SLC24A4: variants seen among roughly 807,000 people sequenced by gnomAD.
The protein encoded by SLC24A4 is sodium/potassium/calcium exchanger 4.
Under a neutral mutation model 79.0 loss-of-function variants are expected in SLC24A4, and 53 were observed. The observed-to-expected ratio is 0.67, with a 90% CI of 0.54 to 0.84. The LOEUF is 0.84. Among genes scored for constraint, SLC24A4 ranks in the 40% least tolerant of loss-of-function variants. The pLI is 0.00. For missense variants in SLC24A4, 731 were observed against 822.0 expected, an observed-to-expected ratio of 0.89 and a Z score of 1.35; for synonymous variants, 323 against 323.8, an observed-to-expected ratio of 1.00 and a Z score of 0.03.
At chr14:92,342,533 G>A (rs1021537845) in intron 2 of SLC24A4, among the ~76,000 whole-genome samples, 61 of 151,950 alleles carry the variant, frequency 4.0e-4, no homozygotes, top group African/African-American at 1.4e-3. Context: ...ACAGGCATGC[G>A]CCACCACGCC....
At chr14:92,439,787 C>A (rs1178904301) in intron 4 of SLC24A4, among the ~76,000 whole-genome samples, 4 of 152,218 alleles carry the variant, frequency 2.6e-5, no homozygotes, top group African/African-American at 9.6e-5. Context: ...TGGGCCCACC[C>A]CCACCCCGCC....
chr14:92,392,070 A>G (rs1431657232), intron 2 of SLC24A4, among the ~76,000 whole-genome samples: 1 of 152,150 alleles, frequency 6.6e-6, no homozygotes, highest in African/African-American at 2.4e-5. Context: ...AGGACACTCC[A>G]GGAGACATCT....
intron 2 of SLC24A4, among the ~76,000 whole-genome samples, chr14:92,379,296 T>C (rs1383275955): frequency 6.6e-6 from 1 of 152,168 alleles, no homozygotes; most frequent in African/African-American, 2.4e-5. Context: ...GAAGGTGCTT[T>C]CTGCCCAAAT....
chr14:92,364,068 C>T (rs1887686880), intron 2 of SLC24A4, among the ~76,000 whole-genome samples: 1 of 152,218 alleles, frequency 6.6e-6, no homozygotes, highest in Admixed American at 6.5e-5. Context: ...GGGTACATGG[C>T]AGCTCCCCAC....
intron 2 of SLC24A4, among the ~76,000 whole-genome samples, chr14:92,404,501 G>GGCAGCACAC: frequency 6.6e-6 from 1 of 152,308 alleles, no homozygotes; most frequent in East Asian, 1.9e-4. Flanking sequence ...GGCAGGAGAT[G>GGCAGCACAC]TAGACTGCTG....
At chr14:92,387,911 T>C (rs887352653) in intron 2 of SLC24A4, among the ~76,000 whole-genome samples, 8 of 152,268 alleles carry the variant, frequency 5.3e-5, no homozygotes, top group African/African-American at 1.4e-4. Context: ...AATTCCACTG[T>C]ATATGTGTAC....
intron 2 of SLC24A4, among the ~76,000 whole-genome samples, chr14:92,413,796 G>T (rs1309642088): frequency 6.6e-6 from 1 of 152,190 alleles, no homozygotes; most frequent in African/African-American, 2.4e-5. Flanking sequence ...ATTAAACTAA[G>T]GCAGAACGAA....
chr14:92,458,779 C>T (rs190477943), intron 12 of SLC24A4, among the ~76,000 whole-genome samples: 60 of 152,292 alleles, frequency 3.9e-4, no homozygotes, highest in Admixed American at 3.5e-3. Context: ...CCTGTGTCCA[C>T]GTGGGGCTGG....
intron 2 of SLC24A4, among the ~76,000 whole-genome samples, chr14:92,326,923 T>G (rs544666779): frequency 6.6e-6 from 1 of 152,284 alleles, no homozygotes; most frequent in Admixed American, 6.5e-5. Context: ...GAAGGCTGTG[T>G]TGGGGACTGG....
chr14:92,434,483 T>C (rs751300914), intron 3 of SLC24A4, among the ~76,000 whole-genome samples: 4 of 152,216 alleles, frequency 2.6e-5, no homozygotes, highest in Non-Finnish European at 2.9e-5. Context: ...TCAGTATCAC[T>C]GTTCTGGAAG....
intron 2 of SLC24A4, among the ~76,000 whole-genome samples, chr14:92,397,475 C>G (rs1055646954): frequency 5.9e-5 from 9 of 152,202 alleles, no homozygotes; most frequent in African/African-American, 2.2e-4. Context: ...TGCTCTTTCC[C>G]CTGTTACAGA....
At chr14:92,431,922 C>T (rs1042612408) in intron 2 of SLC24A4, among the ~76,000 whole-genome samples, 1 of 152,190 alleles carries the variant, frequency 6.6e-6, no homozygotes, top group Non-Finnish European at 1.5e-5. Flanking sequence ...TAACCTTGGA[C>T]GAGGAACATC....
At chr14:92,332,323 G>C (rs1255688990) in intron 2 of SLC24A4, among the ~76,000 whole-genome samples, 1 of 152,126 alleles carries the variant, frequency 6.6e-6, no homozygotes, top group Non-Finnish European at 1.5e-5. Context: ...TTAATCGACA[G>C]TTTATGTAAT....
At chr14:92,489,891 C>T (rs1433973148) in intron 14 of SLC24A4, among the ~76,000 whole-genome samples, 1 of 152,174 alleles carries the variant, frequency 6.6e-6, no homozygotes, top group Non-Finnish European at 1.5e-5. Flanking sequence ...ACTAACTGGG[C>T]CACAACAGTT....
At chr14:92,480,442 C>T (rs1250708891) in intron 12 of SLC24A4, among the ~76,000 whole-genome samples, 6 of 149,092 alleles carry the variant, frequency 4.0e-5, no homozygotes, top group Admixed American at 3.4e-4. Context: ...TACAGGCGCC[C>T]GCCACCACGC....
chr14:92,403,183 G>C (rs1246238525), intron 2 of SLC24A4, among the ~76,000 whole-genome samples: 1 of 152,122 alleles, frequency 6.6e-6, no homozygotes, highest in East Asian at 1.9e-4. Flanking sequence ...AGTCCTCTGG[G>C]TGAGCAGCCT....
chr14:92,472,637 C>A (rs1013671030), intron 12 of SLC24A4, among the ~76,000 whole-genome samples: 9 of 152,058 alleles, frequency 5.9e-5, no homozygotes, highest in Non-Finnish European at 1.2e-4. Context: ...TATCTGTGAA[C>A]ATATATGTGC....
intron 10 of SLC24A4, among the ~76,000 whole-genome samples, chr14:92,449,686 C>T (rs759540921): frequency 3.2e-4 from 49 of 152,196 alleles, no homozygotes; most frequent in Admixed American, 3.0e-3. Flanking sequence ...CATGGGTTCT[C>T]GGGCTGGGAA....
chr14:92,449,596 G>A (rs1054407999), intron 10 of SLC24A4, among the ~76,000 whole-genome samples: 4 of 152,248 alleles, frequency 2.6e-5, no homozygotes, highest in African/African-American at 9.6e-5. Flanking sequence ...AGGAGCTGGG[G>A]CAGCAGAGCC....
Sources: gnomAD v4.1 joint callset for allele counts (sites outside exome capture counted in the v4.1 genomes callset) on GRCh38, gnomAD v4.1.1 for gene constraint, MANE v1.5 for transcripts, NCBI Gene and HGNC (gene_info 2026-07-23, HGNC 2026-07-21) for gene names.